Variants in NTAQ1 observed in about 807,000 individuals in gnomAD.
The protein encoded by NTAQ1 is N-terminal glutamine amidase 1.
Under a neutral mutation model 28.2 loss-of-function variants are expected in NTAQ1, and 21 were observed. The ratio of observed to expected loss-of-function variants is 0.74; its 90% CI spans 0.53 to 1.07. The LOEUF is 1.07. Among genes scored for constraint, NTAQ1 ranks in the 50% least tolerant of loss-of-function variants. The pLI is 0.00. For missense variants in NTAQ1, 264 were observed against 256.6 expected, an observed-to-expected ratio of 1.03 and a Z score of -0.20; for synonymous variants, 105 against 90.0, an observed-to-expected ratio of 1.17 and a Z score of -0.94.
chr8:123,469,859 A>G (rs1452006434), exon 7 of NTAQ1, among the ~76,000 whole-genome samples: 1 of 152,264 alleles, frequency 6.6e-6, no homozygotes, highest in African/African-American at 2.4e-5. Flanking sequence ...CGTTAGAAGC[A>G]TCAACAAACA....
downstream of NTAQ1, among the ~76,000 whole-genome samples, chr8:123,446,106 G>A (rs1463127196): frequency 6.6e-6 from 1 of 152,076 alleles, no homozygotes; most frequent in African/African-American, 2.4e-5. Flanking sequence ...CGATTCTCGT[G>A]CCTCAGCCTC....
At chr8:123,445,426 G>A (rs1815239152), downstream of NTAQ1, among the ~76,000 whole-genome samples, 2 of 152,040 alleles carry the variant, frequency 1.3e-5, no homozygotes, top group African/African-American at 4.8e-5. Context: ...CAACAAGAAT[G>A]AGAAAATATC....
intron 2 of NTAQ1, among the ~76,000 whole-genome samples, chr8:123,428,585 TTTG>T (rs1159470757): frequency 1.3e-5 from 2 of 148,364 alleles, no homozygotes; most frequent in African/African-American, 2.6e-5. Flanking sequence ...CCTGTTTTTT[TTTG>T]TTTGTTTGTT....
At chr8:123,419,819 C>T (rs377164953) in intron 1 of NTAQ1, among the ~76,000 whole-genome samples, 3 of 144,440 alleles carry the variant, frequency 2.1e-5, no homozygotes, top group African/African-American at 7.6e-5. Flanking sequence ...TTCCCTCCCT[C>T]CCTCTCTCCC....
intron 3 of NTAQ1, among the ~76,000 whole-genome samples, chr8:123,433,170 A>G (rs762785842): frequency 1.3e-5 from 2 of 152,198 alleles, no homozygotes; most frequent in African/African-American, 4.8e-5. Context: ...TCAAGCCTGC[A>G]TTCCTTGGCT....
chr8:123,418,560 T>C (rs1326682205), intron 1 of NTAQ1, among the ~76,000 whole-genome samples: 1 of 152,170 alleles, frequency 6.6e-6, no homozygotes, highest in African/African-American at 2.4e-5. Flanking sequence ...TATTAGGATA[T>C]TTTGAGAAGA....
chr8:123,461,729 G>A (rs1405089966), intron 6 of NTAQ1, among the ~76,000 whole-genome samples: 2 of 152,164 alleles, frequency 1.3e-5, no homozygotes, highest in South Asian at 2.1e-4. Flanking sequence ...GTCTTTCAGC[G>A]AGTAGATGCT....
chr8:123,416,958 G>C, intron 1 of NTAQ1, 26 bp downstream of exon 1: 1 of 1,440,126 alleles, frequency 6.9e-7, no homozygotes, highest in Non-Finnish European at 9.2e-7. Flanking sequence ...CGCAGCCTCT[G>C]GGTCTCCCAG....
chr8:123,449,974 T>TATATATATATATAA (rs371673968), downstream of NTAQ1, among the ~76,000 whole-genome samples: 305 of 56,098 alleles, frequency 5.4e-3, 53 homozygotes, highest in African/African-American at 0.02. Context: ...TATATATATA[T>TATATATATATATAA]GCTGGATAAA....
downstream of NTAQ1, among the ~76,000 whole-genome samples, chr8:123,444,517 T>A (rs965833033): frequency 2.0e-5 from 3 of 151,980 alleles, no homozygotes; most frequent in African/African-American, 7.3e-5. Context: ...GCAAAAAATT[T>A]TCTTTTTGAG....
chr8:123,432,250 G>A (rs552938393), intron 3 of NTAQ1, among the ~76,000 whole-genome samples: 1 of 152,326 alleles, frequency 6.6e-6, no homozygotes, highest in East Asian at 1.9e-4. Flanking sequence ...TGTGTAGCCA[G>A]ACTACATATT....
downstream of NTAQ1, among the ~76,000 whole-genome samples, chr8:123,442,556 C>T (rs1264574310): frequency 1.4e-5 from 2 of 146,416 alleles, no homozygotes; most frequent in East Asian, 2.0e-4. Context: ...GATCATGCTG[C>T]TGCACTCCAG....
intron 6 of NTAQ1, among the ~76,000 whole-genome samples, chr8:123,463,768 G>C (rs1308091075): frequency 6.6e-6 from 1 of 152,184 alleles, no homozygotes; most frequent in South Asian, 2.1e-4. Context: ...GTGTTGAACT[G>C]TGATGCAATC....
intron 3 of NTAQ1, among the ~76,000 whole-genome samples, chr8:123,434,632 C>G (rs1814593915): frequency 6.6e-6 from 1 of 152,052 alleles, no homozygotes; most frequent in East Asian, 1.9e-4. Context: ...CTCAAAACAA[C>G]AACAACAACA....
intron 1 of NTAQ1, 97 bp from the exon 2 acceptor site, chr8:123,427,827 T>C: frequency 9.8e-7 from 1 of 1,022,288 alleles, no homozygotes; most frequent in Non-Finnish European, 1.4e-6. Flanking sequence ...GTTTAAGGTC[T>C]TTTCCAACTT....
downstream of NTAQ1, among the ~76,000 whole-genome samples, chr8:123,443,810 C>T (rs917144367): frequency 1.3e-5 from 2 of 152,094 alleles, no homozygotes; most frequent in African/African-American, 4.8e-5. Flanking sequence ...GGGACTCAAG[C>T]AGTCTGCCCA....
At chr8:123,446,993 T>G (rs1456796161), downstream of NTAQ1, among the ~76,000 whole-genome samples, 1 of 151,848 alleles carries the variant, frequency 6.6e-6, no homozygotes, top group African/African-American at 2.4e-5. Flanking sequence ...GTCAGGGTTC[T>G]GTTATCATCT....
chr8:123,436,630 T>C (rs1429073223), intron 4 of NTAQ1, 29 bp downstream of exon 4: 2 of 1,593,616 alleles, frequency 1.3e-6, no homozygotes, highest in Non-Finnish European at 8.5e-7. Flanking sequence ...GATTTACTTA[T>C]TTTCTGAAGT....
At chr8:123,421,896 G>C (rs997634547) in intron 1 of NTAQ1, among the ~76,000 whole-genome samples, 4 of 151,886 alleles carry the variant, frequency 2.6e-5, no homozygotes, top group African/African-American at 9.7e-5. Context: ...GTTTCACCGT[G>C]GTCTGGATCT....
Sources: gnomAD v4.1 joint callset for allele counts (sites outside exome capture counted in the v4.1 genomes callset) on GRCh38, gnomAD v4.1.1 for gene constraint, MANE v1.5 for transcripts, NCBI Gene and HGNC (gene_info 2026-07-23, HGNC 2026-07-21) for gene names.